Variants in SPOCK3 observed in about 807,000 individuals in gnomAD.
SPOCK3 encodes the protein SPARC (osteonectin), cwcv and kazal like domains proteoglycan 3.
SPOCK3 carries 30 observed loss-of-function variants against 56.6 expected under a neutral mutation model. The ratio of observed to expected loss-of-function variants is 0.53; its 90% confidence interval spans 0.40 to 0.72. The LOEUF (loss-of-function observed/expected upper bound fraction) is 0.72, where lower values mean the gene tolerates loss of function less well. SPOCK3 is among the 30% of genes least tolerant of loss of function. The pLI is 0.00. For synonymous variants in SPOCK3, 196 were observed against 183.3 expected, an observed-to-expected ratio of 1.07 and a Z score of -0.56; for missense variants, 527 against 530.0, an observed-to-expected ratio of 0.99 and a Z score of 0.06.
intron 2 of SPOCK3, among the ~76,000 whole-genome samples, chr4:167,165,778 T>C (rs1765706794): frequency 6.6e-6 from 1 of 152,042 alleles, no homozygotes; most frequent in Non-Finnish European, 1.5e-5. Flanking sequence ...CAAACTATTA[T>C]AGATCACACA....
At chr4:167,145,137 G>A (rs1763835700) in intron 2 of SPOCK3, among the ~76,000 whole-genome samples, 1 of 152,014 alleles carries the variant, frequency 6.6e-6, no homozygotes, top group South Asian at 2.1e-4. Context: ...CAGTCAACAT[G>A]ATTTACTGAT....
intron 3 of SPOCK3, among the ~76,000 whole-genome samples, chr4:167,050,213 T>C (rs1045145655): frequency 1.3e-5 from 2 of 152,176 alleles, no homozygotes; most frequent in Non-Finnish European, 2.9e-5. Flanking sequence ...CACTTTGGAC[T>C]GTTTTAATAA....
intron 2 of SPOCK3, among the ~76,000 whole-genome samples, chr4:167,161,527 A>G (rs1765302938): frequency 6.6e-6 from 1 of 152,180 alleles, no homozygotes; most frequent in African/African-American, 2.4e-5. Context: ...TGACCCAGCC[A>G]TCCCATTACT....
chr4:167,123,160 C>T (rs1761998847), intron 2 of SPOCK3, among the ~76,000 whole-genome samples: 1 of 151,682 alleles, frequency 6.6e-6, no homozygotes, highest in Non-Finnish European at 1.5e-5. Context: ...ATTACAAGAA[C>T]ATAGAAAAGT....
chr4:166,848,307 T>G (rs777599027), intron 6 of SPOCK3, among the ~76,000 whole-genome samples: 6 of 152,216 alleles, frequency 3.9e-5, no homozygotes, highest in Non-Finnish European at 7.3e-5. Context: ...AACTTTGAAT[T>G]TGAGGAAAAG....
intron 7 of SPOCK3, among the ~76,000 whole-genome samples, chr4:166,776,207 G>C (rs1321620848): frequency 6.6e-6 from 1 of 152,104 alleles, no homozygotes; most frequent in Admixed American, 6.6e-5. Flanking sequence ...GAGGTCAGGA[G>C]ATCGAGACTA....
intron 3 of SPOCK3, among the ~76,000 whole-genome samples, chr4:167,055,634 T>A (rs1190503281): frequency 6.6e-6 from 1 of 152,144 alleles, no homozygotes; most frequent in African/African-American, 2.4e-5. Context: ...TAAAATACGG[T>A]GCACCAGGAG....
intron 3 of SPOCK3, among the ~76,000 whole-genome samples, chr4:167,056,856 C>T (rs1244837069): frequency 6.6e-6 from 1 of 152,178 alleles, no homozygotes; most frequent in African/African-American, 2.4e-5. Context: ...AGTTGGAAAA[C>T]ACTCTGCAGG....
chr4:166,968,914 C>A (rs142703593), intron 4 of SPOCK3, among the ~76,000 whole-genome samples: 71 of 152,192 alleles, frequency 4.7e-4, no homozygotes, highest in African/African-American at 1.6e-3. Context: ...GGAGGCTGTA[C>A]CCTGCAGAGC....
chr4:167,007,265 G>T (rs776960966), intron 3 of SPOCK3, among the ~76,000 whole-genome samples: 3 of 151,964 alleles, frequency 2.0e-5, no homozygotes, highest in African/African-American at 7.3e-5. Context: ...ACCAAAATCC[G>T]CAGATACTCA....
intron 2 of SPOCK3, among the ~76,000 whole-genome samples, chr4:167,109,285 AATT>A (rs1159529166): frequency 2.2e-5 from 2 of 91,232 alleles, no homozygotes; most frequent in African/African-American, 9.0e-5. Context: ...ATTAAGTATT[AATT>A]ATTATAAATA....
chr4:166,913,980 G>A (rs1737562695), intron 4 of SPOCK3, among the ~76,000 whole-genome samples: 2 of 151,848 alleles, frequency 1.3e-5, no homozygotes, highest in South Asian at 2.1e-4. Context: ...ATATCCTAGT[G>A]AGAGATAAAA....
chr4:166,918,378 A>C (rs1245502637), intron 4 of SPOCK3: 2 of 152,160 alleles, frequency 1.3e-5, no homozygotes, highest in African/African-American at 4.8e-5. Context: ...TATGAATGCA[A>C]AAAAGTATTC....
At chr4:166,827,685 G>T (rs535878354) in intron 6 of SPOCK3, among the ~76,000 whole-genome samples, 2 of 152,174 alleles carry the variant, frequency 1.3e-5, no homozygotes, top group Admixed American at 6.5e-5. Flanking sequence ...TGGCCGGCTT[G>T]ACTTGGCTGT....
intron 6 of SPOCK3, among the ~76,000 whole-genome samples, chr4:166,833,610 A>T (rs969327210): frequency 6.6e-6 from 1 of 152,178 alleles, no homozygotes; most frequent in Non-Finnish European, 1.5e-5. Context: ...TGTGCTAGTT[A>T]CATACTGCTC....
chr4:167,212,074 T>C (rs924915853), intron 2 of SPOCK3, among the ~76,000 whole-genome samples: 1 of 152,086 alleles, frequency 6.6e-6, no homozygotes, highest in African/African-American at 2.4e-5. Context: ...ATAATGACAA[T>C]AATACCTACA....
chr4:166,958,661 T>C (rs1331567366), intron 4 of SPOCK3, among the ~76,000 whole-genome samples: 2 of 152,220 alleles, frequency 1.3e-5, no homozygotes, highest in African/African-American at 4.8e-5. Flanking sequence ...CAGGAAAATA[T>C]ATATCACATA....
At chr4:166,743,506 C>A (rs1254316355) in intron 8 of SPOCK3, among the ~76,000 whole-genome samples, 1 of 152,022 alleles carries the variant, frequency 6.6e-6, no homozygotes, top group Non-Finnish European at 1.5e-5. Flanking sequence ...GATGGCCAAA[C>A]AGGAACAGCT....
intron 2 of SPOCK3, among the ~76,000 whole-genome samples, chr4:167,080,855 T>C (rs1193041086): frequency 6.6e-6 from 1 of 151,536 alleles, no homozygotes; most frequent in Non-Finnish European, 1.5e-5. Flanking sequence ...TCTTGATGAT[T>C]CTGTCCTATA....
Sources: gnomAD v4.1 joint callset for allele counts (sites outside exome capture counted in the v4.1 genomes callset) on GRCh38, gnomAD v4.1.1 for gene constraint, MANE v1.5 for transcripts, NCBI Gene and HGNC (gene_info 2026-07-23, HGNC 2026-07-21) for gene names.